The following GALNT13 variants were observed in gnomAD, a reference collection of about 807,000 sequenced individuals.
GALNT13 encodes polypeptide N-acetylgalactosaminyltransferase 13, also known as UDP-GalNAc:polypeptide N-acetylgalactosaminyltransferase 13.
GALNT13 carries 28 observed loss-of-function variants against 64.2 expected under a neutral mutation model. That is an observed-to-expected ratio of 0.44 (90% CI 0.32 to 0.60). The LOEUF is 0.60. Among genes scored for constraint, GALNT13 ranks in the 20% least tolerant of loss-of-function variants. The pLI, the probability that GALNT13 is intolerant of heterozygous loss-of-function variation, is 0.05. For missense variants in GALNT13, 577 were observed against 669.8 expected, an observed-to-expected ratio of 0.86 and a Z score of 1.53; for synonymous variants, 214 against 224.6, an observed-to-expected ratio of 0.95 and a Z score of 0.42.
At chr2:154,419,047 T>C (rs1021517398) in intron 11 of GALNT13, among the ~76,000 whole-genome samples, 3 of 152,068 alleles carry the variant, frequency 2.0e-5, no homozygotes, top group African/African-American at 7.2e-5. Flanking sequence ...AAATATAAAA[T>C]AACTAAAATG....
the GALNT13 span, among the ~76,000 whole-genome samples, chr2:153,302,018 G>A: frequency 6.6e-6 from 1 of 151,908 alleles, no homozygotes; most frequent in African/African-American, 2.4e-5. Flanking sequence ...GGAAGTACAG[G>A]TATTTCCTTG....
the GALNT13 span, among the ~76,000 whole-genome samples, chr2:153,673,096 C>T: frequency 5.2e-4 from 79 of 152,224 alleles, no homozygotes; most frequent in African/African-American, 1.8e-3. Context: ...AGTCCAGGAC[C>T]AGATGGATTC....
the GALNT13 span, among the ~76,000 whole-genome samples, chr2:153,329,462 A>G: frequency 6.6e-6 from 1 of 152,162 alleles, no homozygotes. Context: ...TTCTTATCAT[A>G]GCCAGTCTGA....
At chr2:154,291,957 C>G (rs1692668280) in intron 8 of GALNT13, among the ~76,000 whole-genome samples, 1 of 152,154 alleles carries the variant, frequency 6.6e-6, no homozygotes, top group African/African-American at 2.4e-5. Context: ...ATTGAAGAGC[C>G]GAGCCCTCTG....
chr2:153,885,555 C>A (rs1687115889), intron 1 of GALNT13, among the ~76,000 whole-genome samples: 1 of 151,974 alleles, frequency 6.6e-6, no homozygotes. Flanking sequence ...ACTTTCAAAG[C>A]ACTGAGGAAT....
chr2:153,329,790 A>G, the GALNT13 span, among the ~76,000 whole-genome samples: 1 of 152,120 alleles, frequency 6.6e-6, no homozygotes, highest in Non-Finnish European at 1.5e-5. Flanking sequence ...ATAAGGCCCC[A>G]TTTGTCAATT....
intron 9 of GALNT13, among the ~76,000 whole-genome samples, chr2:154,305,849 GTC>G (rs762013052): frequency 2.0e-5 from 3 of 152,052 alleles, no homozygotes; most frequent in Non-Finnish European, 2.9e-5. Flanking sequence ...TTTATTACTT[GTC>G]TCTATATCCA....
the GALNT13 span, among the ~76,000 whole-genome samples, chr2:153,682,322 G>A: frequency 1.3e-5 from 2 of 151,414 alleles, no homozygotes; most frequent in Non-Finnish European, 3.0e-5. Flanking sequence ...CTGTAATATC[G>A]TAGTCGTATT....
At chr2:154,099,005 C>T (rs1234452625) in intron 3 of GALNT13, among the ~76,000 whole-genome samples, 1 of 151,966 alleles carries the variant, frequency 6.6e-6, no homozygotes, top group Non-Finnish European at 1.5e-5. Context: ...ATGCCGTTTC[C>T]CATAGAGGTT....
the GALNT13 span, among the ~76,000 whole-genome samples, chr2:153,491,487 T>C: frequency 2.6e-5 from 4 of 152,046 alleles, no homozygotes; most frequent in Non-Finnish European, 5.9e-5. Flanking sequence ...AGGGAGATAG[T>C]GAGCACAGAC....
At chr2:154,333,459 CT>C (rs1208690121) in intron 9 of GALNT13, among the ~76,000 whole-genome samples, 1 of 151,888 alleles carries the variant, frequency 6.6e-6, no homozygotes. Flanking sequence ...AAGCTTTATT[CT>C]TTGAAAGTAG....
At chr2:154,355,040 CCTTTT>C (rs1177083716) in intron 9 of GALNT13, among the ~76,000 whole-genome samples, 1 of 152,032 alleles carries the variant, frequency 6.6e-6, no homozygotes, top group East Asian at 1.9e-4. Flanking sequence ...TTAATTTTTA[CCTTTT>C]CTTTTGTGGA....
the GALNT13 span, among the ~76,000 whole-genome samples, chr2:153,252,011 G>A: frequency 4.0e-5 from 6 of 151,638 alleles, no homozygotes; most frequent in Middle Eastern, 3.4e-3. Context: ...GGGTCAAATG[G>A]TATTTCTAGT....
chr2:153,412,462 G>C, the GALNT13 span, among the ~76,000 whole-genome samples: 3 of 152,158 alleles, frequency 2.0e-5, no homozygotes, highest in East Asian at 5.8e-4. Flanking sequence ...GGACTGTTTT[G>C]TTCCAAGAAG....
the GALNT13 span, among the ~76,000 whole-genome samples, chr2:153,632,290 G>A: frequency 2.0e-5 from 3 of 152,092 alleles, no homozygotes; most frequent in Admixed American, 6.5e-5. Context: ...CCTAGCCCCC[G>A]CTGAGTTTCC....
chr2:153,152,067 A>T, the GALNT13 span, among the ~76,000 whole-genome samples: 4 of 151,964 alleles, frequency 2.6e-5, no homozygotes, highest in Admixed American at 6.6e-5. Flanking sequence ...CAGGAGATCA[A>T]ATCTGCTTTC....
At chr2:153,076,027 G>A in the GALNT13 span, among the ~76,000 whole-genome samples, 2 of 152,004 alleles carry the variant, frequency 1.3e-5, no homozygotes, top group African/African-American at 2.4e-5. Flanking sequence ...CTATTGATGG[G>A]CATTTCTACT....
chr2:153,946,377 T>C (rs1287809673), intron 3 of GALNT13, among the ~76,000 whole-genome samples: 1 of 152,140 alleles, frequency 6.6e-6, no homozygotes, highest in African/African-American at 2.4e-5. Context: ...TAACTTTTCC[T>C]TGTACTTAAA....
the GALNT13 span, among the ~76,000 whole-genome samples, chr2:153,659,847 C>T: frequency 0.21 from 31,767 of 152,032 alleles, 4,135 homozygotes; most frequent in Middle Eastern, 0.44. Flanking sequence ...GATGAGGAGG[C>T]TTGTGATATA....
Sources: allele counts gnomAD v4.1 joint callset (sites outside exome capture counted in the v4.1 genomes callset), GRCh38; gene constraint gnomAD v4.1.1; transcripts MANE v1.5; gene names NCBI Gene and HGNC (gene_info 2026-07-23, HGNC 2026-07-21).